The following CTNNA3 variants were observed in gnomAD, a reference collection of about 807,000 sequenced individuals.
CTNNA3 encodes catenin alpha 3.
In CTNNA3, 76 loss-of-function variants were observed where a neutral mutation model predicts 95.7. That is an observed-to-expected ratio of 0.79 (90% CI 0.66 to 0.96). The LOEUF (loss-of-function observed/expected upper bound fraction) is 0.96. CTNNA3 is among the 40% of genes least tolerant of loss of function. The pLI, the probability that CTNNA3 is intolerant of heterozygous loss-of-function variation, is 0.00. For synonymous variants in CTNNA3, 431 were observed against 374.4 expected (o/e 1.15, Z -1.74); for missense variants, 1,191 against 1,089.8 (o/e 1.09, Z -1.31).
At chr10:67,074,400 A>G (rs1215665610) in intron 7 of CTNNA3, among the ~76,000 whole-genome samples, 132 of 121,138 alleles carry the variant, frequency 1.1e-3, no homozygotes, top group South Asian at 4.7e-3. Flanking sequence ...GCCCAGGCTG[A>G]AGTGCAGTGG....
chr10:66,828,327 T>G (rs965776661), intron 7 of CTNNA3, among the ~76,000 whole-genome samples: 1 of 152,128 alleles, frequency 6.6e-6, no homozygotes, highest in Non-Finnish European at 1.5e-5. Context: ...ACCAAACTAG[T>G]TTTTTCTGTG....
At chr10:66,980,665 T>C (rs930039104) in intron 7 of CTNNA3, among the ~76,000 whole-genome samples, 1 of 152,188 alleles carries the variant, frequency 6.6e-6, no homozygotes, top group Non-Finnish European at 1.5e-5. Flanking sequence ...GAAATAAAAT[T>C]TTGTCACTTC....
At chr10:66,051,483 G>A (rs1456012910) in intron 15 of CTNNA3, among the ~76,000 whole-genome samples, 2 of 152,052 alleles carry the variant, frequency 1.3e-5, no homozygotes, top group African/African-American at 4.8e-5. Flanking sequence ...AAACTGAAAA[G>A]CCAAGGCTTT....
At chr10:66,769,756 C>A (rs186003838) in intron 8 of CTNNA3, among the ~76,000 whole-genome samples, 1 of 152,328 alleles carries the variant, frequency 6.6e-6, no homozygotes. Flanking sequence ...TACCCTCCAT[C>A]CATTAGTCAG....
intron 10 of CTNNA3, among the ~76,000 whole-genome samples, chr10:66,585,514 C>T (rs906488856): frequency 2.6e-5 from 4 of 151,482 alleles, no homozygotes; most frequent in Admixed American, 6.6e-5. Flanking sequence ...TTGTAGTTGC[C>T]GAAATGTGTA....
intron 9 of CTNNA3, among the ~76,000 whole-genome samples, chr10:66,645,520 A>G (rs1189616764): frequency 1.3e-5 from 2 of 152,110 alleles, no homozygotes; most frequent in African/African-American, 4.8e-5. Context: ...TGTTGAATAT[A>G]CAGATTTTTG....
At chr10:66,189,964 C>A (rs912672642) in intron 13 of CTNNA3, among the ~76,000 whole-genome samples, 2 of 151,754 alleles carry the variant, frequency 1.3e-5, no homozygotes, top group African/African-American at 4.8e-5. Context: ...CTTAAAATGG[C>A]AGTCCCACAA....
At chr10:66,420,798 C>T (rs1468910961) in intron 11 of CTNNA3, among the ~76,000 whole-genome samples, 3 of 115,226 alleles carry the variant, frequency 2.6e-5, no homozygotes, top group South Asian at 6.3e-4. Flanking sequence ...GACTCTGTCT[C>T]AAATAAATAA....
intron 6 of CTNNA3, 48 bp from the exon 7 acceptor site, chr10:67,180,568 T>G (rs1862488403): frequency 6.9e-7 from 1 of 1,455,080 alleles, no homozygotes; most frequent in South Asian, 1.2e-5. Context: ...GGCATTTCAC[T>G]TTTATGAAAA....
chr10:67,521,198 C>CTT (rs1839974236), intron 5 of CTNNA3, among the ~76,000 whole-genome samples: 1 of 152,168 alleles, frequency 6.6e-6, no homozygotes. Flanking sequence ...GTCTCCAAAA[C>CTT]ACACAGCATT....
At chr10:66,513,946 G>T (rs993542251) in intron 11 of CTNNA3, among the ~76,000 whole-genome samples, 1 of 151,884 alleles carries the variant, frequency 6.6e-6, no homozygotes. Context: ...AACCTTCTGG[G>T]ATGGTGTCGG....
chr10:67,411,877 C>T (rs1845379419), intron 5 of CTNNA3, among the ~76,000 whole-genome samples: 2 of 151,916 alleles, frequency 1.3e-5, no homozygotes, highest in African/African-American at 4.8e-5. Flanking sequence ...AAAGTTGTAA[C>T]GAATTGATAG....
intron 1 of CTNNA3, among the ~76,000 whole-genome samples, chr10:67,726,185 TTATAATA>T (rs1236591976): frequency 9.3e-6 from 1 of 107,864 alleles, no homozygotes; most frequent in Non-Finnish European, 1.7e-5. Flanking sequence ...ATATATATTA[TTATAATA>T]TATAATATAT....
At chr10:67,475,379 T>C (rs1460801019) in intron 5 of CTNNA3, among the ~76,000 whole-genome samples, 1 of 152,144 alleles carries the variant, frequency 6.6e-6, no homozygotes, top group Non-Finnish European at 1.5e-5. Flanking sequence ...CTCATAGACC[T>C]GTATAAAACA....
rs1367625970 is a variant in CTNNA3 at position 67,668,828 on chromosome 10, GTTTC to G, written c.-5-21314_-5-21311del. On this transcript the variant is annotated intron_variant, in intron 1 of 17. Coordinates refer to ENST00000433211, the MANE Select transcript of CTNNA3 (RefSeq NM_013266.4). ...CAACCACAGATAAGGGGCCTACTGT[GTTTC>G]TTTTTTTTTTTTTTTTTTTTTTTTG... Among the ~76,000 whole-genome samples the G allele has an allele frequency of 8.0e-3, 1,050 of 131,238 alleles. 11 individuals are homozygous for G. Among genetic ancestry groups the G allele is most frequent in the African/African-American group, 0.027 (970 of 35,578 alleles). 86.1% of individuals were successfully genotyped at this position (131,238 alleles called of 152,430 possible). A position where few individuals can be genotyped will look rare whatever the true frequency, so the allele number is the denominator to read the frequency against.
chr10:66,131,871 C>T (rs2083121295), intron 13 of CTNNA3, among the ~76,000 whole-genome samples: 1 of 152,094 alleles, frequency 6.6e-6, no homozygotes, highest in Admixed American at 6.6e-5. Flanking sequence ...GAAACTGGAC[C>T]CCTTCCTTAC....
At chr10:66,170,890 T>C (rs1283113153) in intron 13 of CTNNA3, among the ~76,000 whole-genome samples, 1 of 151,988 alleles carries the variant, frequency 6.6e-6, no homozygotes, top group Non-Finnish European at 1.5e-5. Context: ...TCCCAGCACT[T>C]TGGGAGGCCG....
intron 5 of CTNNA3, among the ~76,000 whole-genome samples, chr10:67,267,013 G>C (rs1866855979): frequency 6.6e-6 from 1 of 152,030 alleles, no homozygotes; most frequent in South Asian, 2.1e-4. Context: ...GAAATTCTGG[G>C]CATGCTTTTT....
chr10:67,553,263 T>C (rs1402916592), intron 3 of CTNNA3, among the ~76,000 whole-genome samples: 3 of 152,136 alleles, frequency 2.0e-5, no homozygotes, highest in African/African-American at 7.2e-5. Context: ...ACTATACCCC[T>C]TAAATCTATA....
Sources: allele counts gnomAD v4.1 joint callset (sites outside exome capture counted in the v4.1 genomes callset), GRCh38; gene constraint gnomAD v4.1.1; transcripts MANE v1.5; gene names NCBI Gene and HGNC (gene_info 2026-07-23, HGNC 2026-07-21).